CSMD1: variants seen among roughly 807,000 people sequenced by gnomAD.
CSMD1 encodes the protein CUB and sushi domain-containing protein 1.
A neutral mutation model predicts 417.5 loss-of-function variants in CSMD1; 213 were observed. That is an observed-to-expected ratio of 0.51 (90% CI 0.46 to 0.57). The LOEUF (loss-of-function observed/expected upper bound fraction) is 0.57, where lower values mean the gene tolerates loss of function less well. CSMD1 is among the 20% of genes least tolerant of loss of function. The pLI, the probability that CSMD1 is intolerant of heterozygous loss-of-function variation, is 0.00. For missense variants in CSMD1, 6,923 were observed against 4,529.7 expected, an observed-to-expected ratio of 1.53 and a Z score of -15.17; for synonymous variants, 2,862 against 1,736.8, an observed-to-expected ratio of 1.65 and a Z score of -16.11.
chr8:2,962,640 C>A lies in CSMD1; in HGVS notation c.9455-1G>T. 1 of 1,612,776 alleles carries A rather than the reference C, an allele frequency of 6.2e-7. No homozygotes were observed. The highest frequency in any genetic ancestry group is 8.5e-7 in the Non-Finnish European group (1 of 1,179,180). On this transcript the variant is annotated splice_acceptor_variant, in intron 60 of 69. Transcript: ENST00000635120. LOFTEE classifies it high-confidence loss of function. ...ATGCCAGGGTCTCCGCAGAACACAG[C>A]TATGGAAGATAACCAGGAAGAAGTC...
rs188287000 is a variant in CSMD1 at position 3,249,519 on chromosome 8, C to T, written c.4154-19288G>A. ...GATTACAGACATGAGCCATGGCACC[C>T]GGCCTGTGAGATTTAAGAAAATAAA... is the stretch of plus-strand genomic sequence containing the variant. On this transcript the variant is annotated intron_variant, in intron 26 of 69. Transcript: ENST00000635120. Among the ~76,000 whole-genome samples, 234 of 152,138 alleles carry T rather than the reference C, an allele frequency of 1.5e-3. 4 individuals are homozygous for T. The South Asian group carries it at 0.017, about 11-fold the overall frequency.
intron 49 of CSMD1, among the ~76,000 whole-genome samples, chr8:3,066,171 G>C (rs941069780): frequency 2.0e-5 from 3 of 152,144 alleles, no homozygotes; most frequent in African/African-American, 7.2e-5. Context: ...CTAGCATCGT[G>C]TACAATTCTC....
intron 5 of CSMD1, among the ~76,000 whole-genome samples, chr8:3,865,146 C>T (rs1804996090): frequency 6.6e-6 from 1 of 152,182 alleles, no homozygotes; most frequent in South Asian, 2.1e-4. Context: ...GTGTGTGTTC[C>T]AGCTCAGGCT....
At position 4,728,944 on chromosome 8, in the gene CSMD1, T is replaced by A. The variant is rs182327098; in HGVS notation, c.86-91386A>T. Among the ~76,000 whole-genome samples the A allele has an allele frequency of 2.6e-3, 394 of 152,264 alleles. 2 individuals are homozygous for A. The highest frequency in any genetic ancestry group is 8.6e-3 in the African/African-American group (357 of 41,562). On this transcript the variant is annotated intron_variant, in intron 1 of 69. Coordinates refer to ENST00000635120, the MANE Select transcript of CSMD1 (RefSeq NM_033225.6). ...CAACGTTAAGGTAACCTGCCAGACGTCCATGTGGAGATAGAGATGGACAGC... is the reference window on the plus strand; with the variant it reads ...CAACGTTAAGGTAACCTGCCAGACGACCATGTGGAGATAGAGATGGACAGC...
At chr8:4,146,874 T>A (rs887801382) in intron 3 of CSMD1, among the ~76,000 whole-genome samples, 2 of 150,700 alleles carry the variant, frequency 1.3e-5, no homozygotes, top group Non-Finnish European at 2.9e-5. Context: ...CCTCCCAAAG[T>A]GCCGGCGTGA....
intron 7 of CSMD1, among the ~76,000 whole-genome samples, chr8:3,684,783 T>C (rs974450680): frequency 6.6e-6 from 1 of 152,094 alleles, no homozygotes; most frequent in Non-Finnish European, 1.5e-5. Flanking sequence ...GGCAGCCTAA[T>C]TTTAGTCACC....
In CSMD1 at chr8:3,476,200, A is replaced by C. The variant is rs1457015598; in HGVS notation, c.1449-7376T>G. Among the ~76,000 whole-genome samples, 4 of 152,214 alleles carry C rather than the reference A, an allele frequency of 2.6e-5. No individual in the cohort carries two copies. The East Asian group carries it at 7.7e-4, about 29-fold the overall frequency. Reference sequence around the variant, plus strand: ...TCAACCAAAATACAAATGCAAAAACAAAACAAGAGATGGATAACACCTATC... The same window carrying C: ...TCAACCAAAATACAAATGCAAAAACCAAACAAGAGATGGATAACACCTATC... On this transcript the variant is annotated intron_variant, in intron 11 of 69. Coordinates refer to ENST00000635120, the MANE Select transcript of CSMD1 (RefSeq NM_033225.6).
Position 3,075,196 on chromosome 8 carries a change from G to A in CSMD1, c.7474+11901C>T, listed in dbSNP as rs10111504. 8.8e-3 allele frequency among the ~76,000 whole-genome samples: 1,338 copies of A among 152,026 alleles called. 12 individuals carry two copies. Among genetic ancestry groups the A allele is most frequent in the African/African-American group, 0.03 (1,261 of 41,486 alleles). Reference sequence around the variant, plus strand: ...ATGCTGCCATACTTCCTGTCCAGCCGGAGAAACTGTGAGCTAATTAAACCT... The same window carrying A: ...ATGCTGCCATACTTCCTGTCCAGCCAGAGAAACTGTGAGCTAATTAAACCT... On this transcript the variant is annotated intron_variant, in intron 49 of 69. Transcript: ENST00000635120.
chr8:3,486,167 A>G (rs988301429), intron 11 of CSMD1, among the ~76,000 whole-genome samples: 1 of 152,210 alleles, frequency 6.6e-6, no homozygotes, highest in Non-Finnish European at 1.5e-5. Flanking sequence ...TTTGATTCTG[A>G]ACATGGCAGA....
intron 1 of CSMD1, among the ~76,000 whole-genome samples, chr8:4,809,014 G>C (rs1034533663): frequency 6.6e-6 from 1 of 152,178 alleles, no homozygotes; most frequent in Non-Finnish European, 1.5e-5. Context: ...ATCTTATTGA[G>C]TTGTCTTGCC....
rs188372567 is a variant in CSMD1 at position 4,782,201 on chromosome 8, G to C, written c.86-144643C>G. Among the ~76,000 whole-genome samples, 356 of 152,256 alleles carry C rather than the reference G, an allele frequency of 2.3e-3. 1 individual carries two copies. Among genetic ancestry groups the C allele is most frequent in the African/African-American group, 8.3e-3 (344 of 41,550 alleles). On this transcript the variant is annotated intron_variant, in intron 1 of 69. Coordinates refer to ENST00000635120, the MANE Select transcript of CSMD1 (RefSeq NM_033225.6). The stretch of plus-strand genomic sequence containing the variant: ...AGTTCTGCTGTTCTATTGCACAGTA[G>C]AGTGACTCTGCTTAATAATGTATAT...
chr8:4,283,966 C>T (rs114855670), intron 3 of CSMD1, among the ~76,000 whole-genome samples: 1 of 152,296 alleles, frequency 6.6e-6, no homozygotes, highest in East Asian at 1.9e-4. Flanking sequence ...GGGGTGGTGG[C>T]TCACACTTGT....
chr8:3,678,173 C>T (rs1799477089), intron 7 of CSMD1, among the ~76,000 whole-genome samples: 1 of 152,156 alleles, frequency 6.6e-6, no homozygotes. Flanking sequence ...AGCAACAGAA[C>T]AAAGCTGGAC....
At chr8:4,816,798 G>A (rs1372179716) in intron 1 of CSMD1, among the ~76,000 whole-genome samples, 2 of 152,134 alleles carry the variant, frequency 1.3e-5, no homozygotes, top group Non-Finnish European at 2.9e-5. Context: ...GAAAAGATGG[G>A]AGAGATGTCA....
At chr8:3,169,117 T>C (rs1423974536) in intron 37 of CSMD1, among the ~76,000 whole-genome samples, 1 of 152,158 alleles carries the variant, frequency 6.6e-6, no homozygotes, top group African/African-American at 2.4e-5. Flanking sequence ...AGATGGTAAG[T>C]AATGTATTCA....
At chr8:4,202,388 G>A (rs1799710941) in intron 3 of CSMD1, among the ~76,000 whole-genome samples, 1 of 152,104 alleles carries the variant, frequency 6.6e-6, no homozygotes. Flanking sequence ...TCTTCTAACA[G>A]TTCATTCTTA....
chr8:3,965,052 G>A (rs1467197654), intron 5 of CSMD1, among the ~76,000 whole-genome samples: 1 of 152,170 alleles, frequency 6.6e-6, no homozygotes, highest in African/African-American at 2.4e-5. Flanking sequence ...TGTAAATATT[G>A]AGATAAAATC....
intron 1 of CSMD1, among the ~76,000 whole-genome samples, chr8:4,937,838 G>T (rs886713450): frequency 6.6e-5 from 10 of 151,918 alleles, no homozygotes; most frequent in African/African-American, 2.2e-4. Flanking sequence ...AATCACACAG[G>T]AAATCTACAT....
Position 3,493,441 on chromosome 8 carries a change from T to C in CSMD1, c.1448+182A>G, listed in dbSNP as rs567339932. Among the ~76,000 whole-genome samples the C allele has an allele frequency of 1.5e-3, 222 of 152,116 alleles. 6 individuals are homozygous for C. Among genetic ancestry groups the C allele is most frequent in the Admixed American group, 0.014 (210 of 15,284 alleles). ...AACAGTCGAAACAGATAACACATAC[T>C]CCTAAATTATACTCATAATGTGTTC... On this transcript the variant is annotated intron_variant, in intron 11 of 69. Transcript: ENST00000635120.
Sources: allele counts gnomAD v4.1 joint callset (sites outside exome capture counted in the v4.1 genomes callset), GRCh38; gene constraint gnomAD v4.1.1; transcripts MANE v1.5; gene names NCBI Gene and HGNC (gene_info 2026-07-23, HGNC 2026-07-21).